The following EPM2A variants were observed in gnomAD, a reference collection of about 807,000 sequenced individuals.
EPM2A encodes the protein EPM2A glucan phosphatase, laforin.
A neutral mutation model predicts 26.5 loss-of-function variants in EPM2A; 21 were observed. That is an observed-to-expected ratio of 0.79 (90% CI 0.56 to 1.14). The LOEUF (loss-of-function observed/expected upper bound fraction) is 1.14, where lower values mean the gene tolerates loss of function less well. Among genes scored for constraint, EPM2A ranks in the 50% most tolerant of loss-of-function variants. EPM2A has a pLI of 0.00. For missense variants in EPM2A, 458 were observed against 440.8 expected, an observed-to-expected ratio of 1.04 and a Z score of -0.35; for synonymous variants, 217 against 177.6, an observed-to-expected ratio of 1.22 and a Z score of -1.76.
At chr6:145,660,203 A>G (rs1778586691) in intron 2 of EPM2A, among the ~76,000 whole-genome samples, 1 of 152,070 alleles carries the variant, frequency 6.6e-6, no homozygotes, top group African/African-American at 2.4e-5. Context: ...CTAACCCAAA[A>G]TCATTCCTCA....
intron 1 of EPM2A, among the ~76,000 whole-genome samples, chr6:145,692,424 C>T (rs997056992): frequency 6.6e-6 from 1 of 151,970 alleles, no homozygotes; most frequent in Non-Finnish European, 1.5e-5. Flanking sequence ...TTCAACAGTA[C>T]ATAAACCAAG....
intron 4 of EPM2A, among the ~76,000 whole-genome samples, chr6:145,466,181 A>C (rs1299623734): frequency 2.6e-5 from 4 of 152,222 alleles, no homozygotes; most frequent in African/African-American, 9.6e-5. Flanking sequence ...CAAAAAAAAA[A>C]AACTACCATC....
chr6:145,709,268 G>C (rs555929241), intron 1 of EPM2A, among the ~76,000 whole-genome samples: 2 of 152,256 alleles, frequency 1.3e-5, no homozygotes, highest in Admixed American at 6.5e-5. Flanking sequence ...ATTTTAGAGG[G>C]GCCAGGGCAG....
rs1050260637 is a variant in EPM2A at position 145,610,262 on chromosome 6, A to G, written c.340+24983T>C. Among the ~76,000 whole-genome samples, 9 of 152,248 alleles carry G rather than the reference A, an allele frequency of 5.9e-5. 1 individual carries two copies. In the South Asian group the frequency reaches 1.9e-3, roughly 32 times the overall value. On this transcript the variant is annotated intron_variant, in intron 2 of 3. Transcript: ENST00000450221. ...GAGAGTTTTCAATTTCGGCTTTGAA[A>G]TCCTTTAGTGGTAGGAAGCTCCTTA...
intron 2 of EPM2A, among the ~76,000 whole-genome samples, chr6:145,612,517 T>C (rs1775412498): frequency 2.6e-5 from 4 of 152,026 alleles, no homozygotes; most frequent in Admixed American, 2.0e-4. Context: ...CATGAGGTCA[T>C]TCACTGGGAG....
intron 1 of EPM2A, among the ~76,000 whole-genome samples, chr6:145,716,384 C>T (rs973543562): frequency 4.6e-5 from 7 of 152,266 alleles, no homozygotes; most frequent in Admixed American, 2.0e-4. Flanking sequence ...TTAAAAAGCT[C>T]CCAAGGTGAT....
At chr6:145,678,553 GA>G (rs201687657) in intron 2 of EPM2A, among the ~76,000 whole-genome samples, 1 of 151,916 alleles carries the variant, frequency 6.6e-6, no homozygotes, top group Non-Finnish European at 1.5e-5. Flanking sequence ...AAATATACAA[GA>G]AAAAAACGAA....
Position 145,512,674 on chromosome 6 carries a change from G to C in EPM2A, c.341-10099C>G, listed in dbSNP as rs140085933. 2.5e-5 allele frequency among the ~76,000 whole-genome samples: 3 copies of C among 118,860 alleles called. No homozygotes were observed. The East Asian group carries it at 8.6e-4, about 34-fold the overall frequency. 78.0% of individuals were successfully genotyped at this position (118,860 alleles called of 152,430 possible). A position where few individuals can be genotyped will look rare whatever the true frequency, so the allele number is the denominator to read the frequency against. ...TGCAGTGAGCCGAGATCGCACCACT[G>C]TACTCCAGCCCGGGCAACAGAGCGA... On this transcript the variant is annotated intron_variant, in intron 2 of 3. Coordinates refer to the EPM2A transcript ENST00000450221.
At chr6:145,473,323 T>C (rs761299011) in intron 4 of EPM2A, among the ~76,000 whole-genome samples, 4 of 145,994 alleles carry the variant, frequency 2.7e-5, no homozygotes, top group South Asian at 2.2e-4. Context: ...AAAAAAAAAA[T>C]AGTGAGCTTG....
intron 2 of EPM2A, among the ~76,000 whole-genome samples, chr6:145,563,180 G>A (rs115942420): frequency 0.025 from 3,778 of 151,588 alleles, 67 homozygotes; most frequent in East Asian, 0.087. Context: ...TGTATGGTTC[G>A]ACATTTCCCC....
At chr6:145,455,149 T>C (rs533436723) in intron 4 of EPM2A, among the ~76,000 whole-genome samples, 5 of 151,898 alleles carry the variant, frequency 3.3e-5, no homozygotes, top group African/African-American at 4.8e-5. Flanking sequence ...AAAATTGTGT[T>C]GTGGTAACAA....
chr6:145,591,840 A>C (rs1238058439), intron 2 of EPM2A, among the ~76,000 whole-genome samples: 1 of 151,890 alleles, frequency 6.6e-6, no homozygotes, highest in East Asian at 1.9e-4. Context: ...TTTATTAATA[A>C]TAGTAACAAT....
At chr6:145,449,105 G>C (rs1779165592) in intron 4 of EPM2A, among the ~76,000 whole-genome samples, 1 of 152,158 alleles carries the variant, frequency 6.6e-6, no homozygotes, top group Admixed American at 6.5e-5. Flanking sequence ...AATGATACCT[G>C]TTAACAATTT....
At chr6:145,475,383 T>C (rs192537092) in intron 4 of EPM2A, among the ~76,000 whole-genome samples, 15 of 152,296 alleles carry the variant, frequency 9.8e-5, no homozygotes, top group Admixed American at 2.0e-4. Flanking sequence ...GAACACTGCA[T>C]GTTCTCACTC....
intron 2 of EPM2A, chr6:145,638,023 C>T (rs1438108924): frequency 1.3e-5 from 2 of 152,082 alleles, no homozygotes; most frequent in Non-Finnish European, 2.9e-5. Context: ...GAAATAGAAA[C>T]TATTATAAGA....
In EPM2A at chr6:145,627,698, G is replaced by A. The variant is rs768538455; in HGVS notation, c.719-5C>T. 6 of 1,613,698 alleles carry A rather than the reference G, an allele frequency of 3.7e-6. No homozygotes were observed. Among genetic ancestry groups the A allele is most frequent in the South Asian group, 3.3e-5 (3 of 91,036 alleles). On this transcript the variant is annotated splice_region_variant and splice_polypyrimidine_tract_variant and intron_variant, in intron 3 of 3. Transcript: ENST00000367519. Reference sequence around the variant, plus strand: ...GGGGCAGCATCTGTACTCGGCCTGCGGTGGGGAAAGCACAGCACACATGTG... The same window carrying A: ...GGGGCAGCATCTGTACTCGGCCTGCAGTGGGGAAAGCACAGCACACATGTG...
Position 145,536,575 on chromosome 6 carries a change from G to A in EPM2A, c.341-34000C>T, listed in dbSNP as rs370805338. On this transcript the variant is annotated intron_variant, in intron 2 of 3. Transcript: ENST00000450221. Reference sequence around the variant, plus strand: ...GCCTCCAAAAGTGCTGGGATTACAGGTGTGAGCCACTGCACCTGGCCCCTT... The same window carrying A: ...GCCTCCAAAAGTGCTGGGATTACAGATGTGAGCCACTGCACCTGGCCCCTT... Among the ~76,000 whole-genome samples, 15 of 151,324 alleles carry A rather than the reference G, an allele frequency of 9.9e-5. 1 individual carries two copies. Among genetic ancestry groups the A allele is most frequent in the African/African-American group, 3.6e-4 (15 of 41,266 alleles).
chr6:145,465,162 C>T (rs1327425180), intron 4 of EPM2A, among the ~76,000 whole-genome samples: 2 of 151,988 alleles, frequency 1.3e-5, no homozygotes, highest in African/African-American at 4.8e-5. Flanking sequence ...TTCTTGGAGG[C>T]TTTGCTCATT....
At chr6:145,554,457 TA>T (rs1459738253) in intron 2 of EPM2A, among the ~76,000 whole-genome samples, 1 of 152,008 alleles carries the variant, frequency 6.6e-6, no homozygotes, top group Non-Finnish European at 1.5e-5. Context: ...GATAGATAGA[TA>T]GATAGATAGA....
Sources: gnomAD v4.1 joint callset for allele counts (sites outside exome capture counted in the v4.1 genomes callset) on GRCh38, gnomAD v4.1.1 for gene constraint, MANE v1.5 for transcripts, NCBI Gene and HGNC (gene_info 2026-07-23, HGNC 2026-07-21) for gene names.